The following SEMA6D variants were observed in gnomAD, a reference collection of about 807,000 sequenced individuals.
SEMA6D encodes the protein semaphorin 6D.
In SEMA6D, 35 loss-of-function variants were observed where a neutral mutation model predicts 106.6. That is an observed-to-expected ratio of 0.33 (90% CI 0.25 to 0.44). The LOEUF (loss-of-function observed/expected upper bound fraction) is 0.44, where lower values mean the gene tolerates loss of function less well. Among genes scored for constraint, SEMA6D ranks in the 20% least tolerant of loss-of-function variants. SEMA6D has a pLI of 1.00. For missense variants in SEMA6D, 1,185 were observed against 1,345.9 expected (o/e 0.88, Z 1.87); for synonymous variants, 499 against 487.7 (o/e 1.02, Z -0.31).
In SEMA6D at chr15:47,194,931, A is replaced by G. The variant is rs28403543; in HGVS notation, c.-239+10513A>G. On this transcript the variant is annotated intron_variant, in intron 1 of 19. Transcript: ENST00000558014. Reference sequence around the variant, plus strand: ...AGGAGGTGTCACTACAGCTCACTCAAACTTAACTAGTGCATTCTATAGGGA... The same window carrying G: ...AGGAGGTGTCACTACAGCTCACTCAGACTTAACTAGTGCATTCTATAGGGA... 6.3e-3 allele frequency among the ~76,000 whole-genome samples: 963 copies of G among 152,292 alleles called. 12 individuals carry two copies. The highest frequency in any genetic ancestry group is 0.02 in the Middle Eastern group (6 of 294).
chr15:47,519,275 C>T (rs1302059168), intron 3 of SEMA6D, among the ~76,000 whole-genome samples: 2 of 152,192 alleles, frequency 1.3e-5, no homozygotes, highest in Non-Finnish European at 2.9e-5. Context: ...CTTGTTTACA[C>T]TGGCATCACC....
At chr15:47,382,072 C>A (rs555542209) in intron 1 of SEMA6D, among the ~76,000 whole-genome samples, 2 of 152,102 alleles carry the variant, frequency 1.3e-5, no homozygotes, top group Non-Finnish European at 1.5e-5. Flanking sequence ...AATAAAGATA[C>A]AAAGAGGTAA....
chr15:47,298,176 C>G (rs77712927), intron 1 of SEMA6D, among the ~76,000 whole-genome samples: 2,843 of 152,196 alleles, frequency 0.019, 97 homozygotes, highest in African/African-American at 0.064. Flanking sequence ...GAGATGTGAC[C>G]AGAAGCCCTC....
chr15:47,217,566 G>GGGGTGTGTGT (rs1555405726), intron 1 of SEMA6D, among the ~76,000 whole-genome samples: 1 of 145,820 alleles, frequency 6.9e-6, no homozygotes, highest in African/African-American at 2.5e-5. Flanking sequence ...CGCGTGCACG[G>GGGGTGTGTGT]GTGTGTGTGT....
intron 4 of SEMA6D, among the ~76,000 whole-genome samples, chr15:47,630,012 T>G (rs1283323910): frequency 6.6e-6 from 1 of 151,878 alleles, no homozygotes; most frequent in Non-Finnish European, 1.5e-5. Context: ...GATAAGCATG[T>G]GAGTACACCT....
chr15:47,347,184 A>G (rs1182866674), intron 1 of SEMA6D, among the ~76,000 whole-genome samples: 1 of 152,238 alleles, frequency 6.6e-6, no homozygotes, highest in Non-Finnish European at 1.5e-5. Context: ...CTGGGATTAC[A>G]GGCATGAGCT....
intron 1 of SEMA6D, among the ~76,000 whole-genome samples, chr15:47,193,695 C>T (rs1425439788): frequency 6.6e-6 from 1 of 152,146 alleles, no homozygotes; most frequent in African/African-American, 2.4e-5. Context: ...TGTTCTGTCA[C>T]AGGGCCTTTG....
intron 3 of SEMA6D, among the ~76,000 whole-genome samples, chr15:47,557,539 A>C (rs2045949570): frequency 6.6e-6 from 1 of 152,156 alleles, no homozygotes; most frequent in East Asian, 1.9e-4. Flanking sequence ...CCACCTGCCA[A>C]GTGCAGGGAA....
chr15:47,234,823 A>G (rs1205746945), intron 1 of SEMA6D, among the ~76,000 whole-genome samples: 1 of 152,024 alleles, frequency 6.6e-6, no homozygotes, highest in Admixed American at 6.6e-5. Context: ...GTGCAGGTGC[A>G]TTTTTGATAT....
chr15:47,240,245 A>G (rs2032821758), intron 1 of SEMA6D, among the ~76,000 whole-genome samples: 1 of 152,168 alleles, frequency 6.6e-6, no homozygotes, highest in Admixed American at 6.5e-5. Context: ...GCTCAAGTAG[A>G]CTTATAGGTT....
At chr15:47,217,695 TC>T (rs1473796909) in intron 1 of SEMA6D, among the ~76,000 whole-genome samples, 4 of 151,836 alleles carry the variant, frequency 2.6e-5, no homozygotes, top group Admixed American at 6.6e-5. Flanking sequence ...TTTTACACCT[TC>T]CTATACTATT....
intron 3 of SEMA6D, among the ~76,000 whole-genome samples, chr15:47,563,731 G>A (rs547266634): frequency 1.6e-4 from 25 of 152,266 alleles, no homozygotes; most frequent in African/African-American, 5.3e-4. Context: ...TAAATACCCA[G>A]TGTGTTCTAG....
intron 3 of SEMA6D, among the ~76,000 whole-genome samples, chr15:47,593,831 C>T (rs2076487385): frequency 1.3e-5 from 2 of 152,010 alleles, no homozygotes; most frequent in South Asian, 2.1e-4. Context: ...AGAAAGAGGG[C>T]GGTGCAGTGC....
Position 47,354,195 on chromosome 15 carries a change from CTCTCTATATA to C in SEMA6D, c.-238-58196_-238-58187del, listed in dbSNP as rs1449006531. Among the ~76,000 whole-genome samples the C allele has an allele frequency of 1.9e-3, 28 of 14,758 alleles. 1 individual carries two copies. Among genetic ancestry groups the C allele is most frequent in the Admixed American group, 5.0e-3 (7 of 1,406 alleles). The allele number at this position is 14,758 out of a possible 152,430, so 9.7% of individuals were successfully genotyped here. A position where few individuals can be genotyped will look rare whatever the true frequency, so the allele number is the denominator to read the frequency against. On this transcript the variant is annotated intron_variant, in intron 1 of 19. Transcript: ENST00000558014. ...AGAAAGCCTCTCTCTCTCTCTCTCT[CTCTCTATATA>C]TATATATATATATATATACACACAT...
At chr15:47,707,785 T>A (rs762177329) in intron 4 of SEMA6D, among the ~76,000 whole-genome samples, 18 of 152,196 alleles carry the variant, frequency 1.2e-4, no homozygotes, top group Non-Finnish European at 2.2e-4. Context: ...AATTTCCAAT[T>A]TTCTGCTGGG....
Position 47,528,506 on chromosome 15 carries a change from C to T in SEMA6D, c.-87+57961C>T, listed in dbSNP as rs75061159. Among the ~76,000 whole-genome samples, 231 of 152,338 alleles carry T rather than the reference C, an allele frequency of 1.5e-3. 1 individual carries two copies. The East Asian group carries it at 0.016, about 11-fold the overall frequency. On this transcript the variant is annotated intron_variant, in intron 3 of 19. Transcript: ENST00000558014. Reference sequence around the variant, plus strand: ...TCATTTCATTCCTCTCCATCCTTCTCAGTTGGCCAACATTTAGAAGACTGG... The same window carrying T: ...TCATTTCATTCCTCTCCATCCTTCTTAGTTGGCCAACATTTAGAAGACTGG...
At chr15:47,733,271 A>G (rs1028229420) in intron 1 of SEMA6D, among the ~76,000 whole-genome samples, 1 of 152,078 alleles carries the variant, frequency 6.6e-6, no homozygotes, top group Non-Finnish European at 1.5e-5. Flanking sequence ...GTCCTCCTTC[A>G]CCCTGTCCTG....
At chr15:47,377,993 T>C (rs2039507439) in intron 1 of SEMA6D, among the ~76,000 whole-genome samples, 2 of 152,124 alleles carry the variant, frequency 1.3e-5, no homozygotes, top group African/African-American at 4.8e-5. Flanking sequence ...TACCTGGAAA[T>C]GTTGTTCATG....
chr15:47,217,516 T>C (rs1237205573), intron 1 of SEMA6D, among the ~76,000 whole-genome samples: 2 of 151,898 alleles, frequency 1.3e-5, no homozygotes, highest in Non-Finnish European at 2.9e-5. Flanking sequence ...GGTGCTGATG[T>C]AGAAAGAGTT....
Sources: gnomAD v4.1 joint callset for allele counts (sites outside exome capture counted in the v4.1 genomes callset) on GRCh38, gnomAD v4.1.1 for gene constraint, MANE v1.5 for transcripts, NCBI Gene and HGNC (gene_info 2026-07-23, HGNC 2026-07-21) for gene names.